Variants in TESK1 observed in about 807,000 individuals in gnomAD.
TESK1 encodes the protein dual specificity testis-specific protein kinase 1.
TESK1 carries 18 observed loss-of-function variants against 59.9 expected under a neutral mutation model. The observed-to-expected ratio is 0.30, with a 90% CI of 0.21 to 0.45. The LOEUF is 0.45. Among genes scored for constraint, TESK1 ranks in the 20% least tolerant of loss-of-function variants. TESK1 has a pLI of 1.00. For missense variants in TESK1, 748 were observed against 840.9 expected (o/e 0.89, Z 1.37); for synonymous variants, 341 against 357.4 (o/e 0.95, Z 0.52).
In TESK1 at chr9:35,605,743, C is replaced by T. The variant is rs761063475; in HGVS notation, c.124C>T (p.Arg42Trp). Residue 42 changes from arginine to tryptophan, a missense_variant, in exon 1 of 10, where the codon CGG becomes TGG. Transcript: ENST00000336395. ...GGGCCGGGGCCGCCCCTCCTCCTAC[C>T]GGGCTCTCCGCAGCGCCGTGTCTAG... ...GPGRGRPSSY[R>W]ALRSAVSSLA... is the part of the protein sequence containing the mutation. 2 of 1,601,156 alleles carry T rather than the reference C, an allele frequency of 1.2e-6. No homozygotes were observed. The highest frequency in any genetic ancestry group is 2.2e-5 in the South Asian group (2 of 89,712).
At chr9:35,605,868 G>A (rs539112752) in intron 1 of TESK1, 30 bp downstream of exon 1, 1 of 1,607,762 alleles carries the variant, frequency 6.2e-7, no homozygotes, top group South Asian at 1.1e-5. Context: ...CAGAGGGGCG[G>A]GACCGAGCCT....
intron 9 of TESK1, 140 bp from the exon 10 acceptor site, chr9:35,608,722 G>T: frequency 9.4e-7 from 1 of 1,066,880 alleles, no homozygotes; most frequent in Non-Finnish European, 1.4e-6. Flanking sequence ...GCCTGGAGAT[G>T]ACATCACCCC....
Position 35,605,472 on chromosome 9 carries a change from A to AGGATCTTCGGC in TESK1, c.-139_-129dup, listed in dbSNP as rs561588160. 39,733 of 240,862 alleles carry AGGATCTTCGGC rather than the reference A, an allele frequency of 0.16. 3,943 individuals carry two copies. The highest frequency in any genetic ancestry group is 0.32 in the East Asian group (3,752 of 11,814). 14.9% of individuals were successfully genotyped at this position (240,862 alleles called of 1,614,324 possible). On this transcript the variant is annotated 5_prime_UTR_variant, in exon 1 of 10. Transcript: ENST00000336395. ...CAGCCGGCGCGGCGGGGGCGGGTCC[A>AGGATCTTCGGC]GGATCTTCGGCGGATCTTCCATTCT...
chr9:35,606,812 T>A, intron 3 of TESK1, 25 bp from the exon 4 acceptor site: 2 of 1,577,890 alleles, frequency 1.3e-6, no homozygotes, highest in Non-Finnish European at 1.7e-6. Context: ...CTGACATCTA[T>A]TCCCATTCTC....
Position 35,605,498 on chromosome 9 carries a change from C to A in TESK1, c.-122C>A. On this transcript the variant is annotated 5_prime_UTR_variant, in exon 1 of 10. Transcript: ENST00000336395. ...GGATCTTCGGCGGATCTTCCATTCT[C>A]AGGGCGGGAGCCGGAGTCCGGGCGC... 4.0e-6 allele frequency: 1 copy of A among 247,026 alleles called. No individual in the cohort carries two copies. The highest frequency in any genetic ancestry group is 7.5e-6 in the Non-Finnish European group (1 of 133,474). 15.3% of individuals were successfully genotyped at this position (247,026 alleles called of 1,614,324 possible).
chr9:35,607,245 G>T lies in TESK1; in HGVS notation c.538-82G>T. 6.5e-7 allele frequency: 1 copy of T among 1,548,822 alleles called. No individual in the cohort carries two copies. Among genetic ancestry groups the T allele is most frequent in the Non-Finnish European group, 8.9e-7 (1 of 1,122,658 alleles). On this transcript the variant is annotated intron_variant, in intron 4 of 9. Transcript: ENST00000336395. This position sits in a 1 kb window ranked among gnomAD's most constrained non-coding sequence, Gnocchi z 4.5. The stretch of plus-strand genomic sequence containing the variant: ...GAGAGGGTTGGAGTTATGCTGGAGT[G>T]ACAGGGCTTTGGGTTATACATTGGG...
intron 3 of TESK1, 65 bp downstream of exon 3, chr9:35,606,350 C>A: frequency 6.3e-7 from 1 of 1,585,764 alleles, no homozygotes. Context: ...AGGGAGTCAA[C>A]AGGCCTGGTG....
In TESK1 at chr9:35,609,830, C is replaced by T. The variant is rs1374185568; in HGVS notation, c.*88C>T. 7.1e-7 allele frequency: 1 copy of T among 1,399,990 alleles called. No homozygotes were observed. Among genetic ancestry groups the T allele is most frequent in the Non-Finnish European group, 9.4e-7 (1 of 1,063,430 alleles). 86.7% of individuals were successfully genotyped at this position (1,399,990 alleles called of 1,614,324 possible). ...CACACTTGCTGGACAGTGCCAGTTCCAGATGGGCTGACCGGCTCTTCTCCC... is the reference window on the plus strand; with the variant it reads ...CACACTTGCTGGACAGTGCCAGTTCTAGATGGGCTGACCGGCTCTTCTCCC... On this transcript the variant is annotated 3_prime_UTR_variant, in exon 10 of 10. Transcript: ENST00000336395. The surrounding 1 kb of genome is among the most constrained non-coding windows in gnomAD (Gnocchi z 6.7).
In TESK1 at chr9:35,605,507, A is replaced by T. The variant is rs1484313586; in HGVS notation, c.-113A>T. 7.6e-5 allele frequency: 20 copies of T among 262,714 alleles called. No homozygotes were observed. The highest frequency in any genetic ancestry group is 2.2e-4 in the Admixed American group (4 of 17,980). 16.3% of individuals were successfully genotyped at this position (262,714 alleles called of 1,614,324 possible). Reference sequence around the variant, plus strand: ...GCGGATCTTCCATTCTCAGGGCGGGAGCCGGAGTCCGGGCGCCCGGGATCG... The same window carrying T: ...GCGGATCTTCCATTCTCAGGGCGGGTGCCGGAGTCCGGGCGCCCGGGATCG... On this transcript the variant is annotated 5_prime_UTR_variant, in exon 1 of 10. Transcript: ENST00000336395.
rs1822923645 is a variant in TESK1, at chr9:35,609,268, G to C, written c.1407G>C (p.Glu469Asp). ...AVGPSAEEKM[E>D]CEGSSPEPEP... ...GCCCCTCGGCTGAAGAGAAGATGGAGTGCGAGGGCAGCAGCCCTGAGCCGG... is the reference window on the plus strand; with the variant it reads ...GCCCCTCGGCTGAAGAGAAGATGGACTGCGAGGGCAGCAGCCCTGAGCCGG... Residue 469 changes from glutamate (E) to aspartate (D), a missense_variant, in exon 10 of 10, where the codon GAG (glutamate) becomes GAC (aspartate). By Grantham distance (45) the Glu-to-Asp change is conservative (BLOSUM62 2). Around this residue, in one of 3 missense-constraint regions of TESK1, gnomAD observed 447 missense variants for 466.1 expected, o/e 0.96. Transcript: ENST00000336395. This position sits in a 1 kb window ranked among gnomAD's most constrained non-coding sequence, Gnocchi z 6.7. 2 of 1,614,132 alleles carry C rather than the reference G, an allele frequency of 1.2e-6. No homozygotes were observed. The highest frequency in any genetic ancestry group is 2.7e-5 in the African/African-American group (2 of 75,056).
intron 9 of TESK1, 135 bp from the exon 10 acceptor site, chr9:35,608,727 C>A: frequency 9.1e-7 from 1 of 1,094,024 alleles, no homozygotes; most frequent in Non-Finnish European, 1.3e-6. Context: ...GAGATGACAT[C>A]ACCCCTTTCC....
At chr9:35,606,500 A>G (rs766232882) in intron 3 of TESK1, among the ~76,000 whole-genome samples, 3 of 152,154 alleles carry the variant, frequency 2.0e-5, no homozygotes, top group Admixed American at 6.6e-5. Context: ...TGTCCAATAG[A>G]ATTTTCTTCA....
chr9:35,608,292 C>T (rs200832697), intron 8 of TESK1, 43 bp downstream of exon 8: 23 of 1,610,528 alleles, frequency 1.4e-5, no homozygotes, highest in African/African-American at 5.3e-5. Flanking sequence ...TGCCCCCATC[C>T]GTAAGCTGCC....
At position 35,608,842 on chromosome 9, in the gene TESK1, C is replaced by T. The variant is rs1022543270; in HGVS notation, c.1001-20C>T. On this transcript the variant is annotated intron_variant, in intron 9 of 9. Coordinates refer to ENST00000336395, the MANE Select transcript of TESK1 (RefSeq NM_006285.3). ...TGATCAAATGCTGAGGACAGTGATTCCAGACTTCTCTATCTACAGGCTCTG... is the reference window on the plus strand; with the variant it reads ...TGATCAAATGCTGAGGACAGTGATTTCAGACTTCTCTATCTACAGGCTCTG... 8 of 1,555,036 alleles carry T rather than the reference C, an allele frequency of 5.1e-6. No individual in the cohort carries two copies. The highest frequency in any genetic ancestry group is 4.1e-5 in the African/African-American group (3 of 73,198).
Position 35,609,492 on chromosome 9 carries a change from C to T in TESK1, c.1631C>T (p.Ala544Val), listed in dbSNP as rs779438711. ...CGGGCCCAGCATAGCCTGCCCCGGG[C>T]GGCAGCCCTGGAGCGGACAGAACCC... ...WNRAQHSLPR[A>V]AALERTEPSP... Residue 544 changes from alanine (A) to valine (V), a missense_variant, in exon 10 of 10, where the codon GCG (alanine) becomes GTG (valine). Transcript: ENST00000336395. This position sits in a 1 kb window ranked among gnomAD's most constrained non-coding sequence, Gnocchi z 6.7. The T allele has an allele frequency of 1.7e-5, 28 of 1,603,780 alleles. 1 individual carries two copies. The highest frequency in any genetic ancestry group is 7.8e-5 in the South Asian group (7 of 89,650).
At position 35,609,297 on chromosome 9, in the gene TESK1, C is replaced by G; in HGVS notation, c.1436C>G (p.Pro479Arg). Residue 479 changes from proline to arginine, a missense_variant, in exon 10 of 10, where the codon CCT becomes CGT. Coordinates refer to ENST00000336395, the MANE Select transcript of TESK1 (RefSeq NM_006285.3). The surrounding 1 kb of genome is among the most constrained non-coding windows in gnomAD (Gnocchi z 6.7). ...ECEGSSPEPE[P>R]PGPAPQLPLA... ...GAGGGCAGCAGCCCTGAGCCGGAACCTCCAGGGCCAGCGCCCCAGCTGCCT... is the reference window on the plus strand; with the variant it reads ...GAGGGCAGCAGCCCTGAGCCGGAACGTCCAGGGCCAGCGCCCCAGCTGCCT... 1 of 1,613,940 alleles carries G rather than the reference C, an allele frequency of 6.2e-7. No homozygotes were observed. The highest frequency in any genetic ancestry group is 1.1e-5 in the South Asian group (1 of 91,088).
Position 35,608,218 on chromosome 9 carries a change from C to T in TESK1, c.854C>T (p.Pro285Leu). ...RTLVGDDCPL[P>L]FLLLAIHCCN... ...CTGGTGGGGGATGACTGCCCACTGC[C>T]TTTCTTGCTCCTGGCCATCCACTGC... The change falls in exon 8 of 10, where the codon CCT (proline) becomes CTT (leucine). Residue 285 changes from proline (P) to leucine (L), a missense_variant. Coordinates refer to ENST00000336395, the MANE Select transcript of TESK1 (RefSeq NM_006285.3). 2 of 1,614,206 alleles carry T rather than the reference C, an allele frequency of 1.2e-6. No homozygotes were observed. The highest frequency in any genetic ancestry group is 1.7e-6 in the Non-Finnish European group (2 of 1,180,026).
At position 35,606,428 on chromosome 9, in the gene TESK1, T is replaced by C. The variant is rs1037083651; in HGVS notation, c.390+143T>C. The stretch of plus-strand genomic sequence containing the variant: ...GGGGAGGCTTTCCTGAACTTTCCTT[T>C]AGGCAAACCACATATAAAAGGCCTC... On this transcript the variant is annotated intron_variant, in intron 3 of 9. Transcript: ENST00000336395. 5.3e-6 allele frequency: 5 copies of C among 946,704 alleles called. No individual in the cohort carries two copies. In the African/African-American group the frequency reaches 6.5e-5, roughly 12 times the overall value. The allele number at this position is 946,704 out of a possible 1,614,324, so 58.6% of individuals were successfully genotyped here. A position where few individuals can be genotyped will look rare whatever the true frequency, so the allele number is the denominator to read the frequency against.
chr9:35,608,836 G>C (rs774451549), intron 9 of TESK1, 26 bp from the exon 10 acceptor site: 13 of 1,550,478 alleles, frequency 8.4e-6, no homozygotes, highest in African/African-American at 1.4e-5. Context: ...GCTGAGGACA[G>C]TGATTCCAGA....
Sources: gnomAD v4.1 joint callset for allele counts (sites outside exome capture counted in the v4.1 genomes callset) on GRCh38, gnomAD v4.1.1 for gene constraint, gnomAD v4.1.1 regional missense constraint, Gnocchi (gnomAD v3.1) non-coding constraint, MANE v1.5 for transcripts, NCBI Gene and HGNC (gene_info 2026-07-23, HGNC 2026-07-21) for gene names.